SUGCT: variants seen among roughly 807,000 people sequenced by gnomAD.
The protein encoded by SUGCT is succinyl-CoA:glutarate-CoA transferase.
Under a neutral mutation model 55.0 loss-of-function variants are expected in SUGCT, and 41 were observed. That is an observed-to-expected ratio of 0.74 (90% confidence interval 0.58 to 0.97). The LOEUF is 0.97. Ranked by LOEUF, SUGCT falls within the 50% of genes least tolerant of loss-of-function variation. SUGCT has a pLI of 0.00. For missense variants in SUGCT, 568 were observed against 547.8 expected, an observed-to-expected ratio of 1.04 and a Z score of -0.37; for synonymous variants, 187 against 200.4, an observed-to-expected ratio of 0.93 and a Z score of 0.56.
intron 7 of SUGCT, among the ~76,000 whole-genome samples, chr7:40,252,192 TG>T (rs1385423015): frequency 3.9e-5 from 6 of 152,296 alleles, no homozygotes; most frequent in Non-Finnish European, 7.4e-5. Flanking sequence ...TGGAGTACAG[TG>T]GCACAGTCAC....
At chr7:40,832,095 G>C (rs574658526) in intron 13 of SUGCT, among the ~76,000 whole-genome samples, 2 of 152,114 alleles carry the variant, frequency 1.3e-5, no homozygotes, top group Admixed American at 1.3e-4. Flanking sequence ...CATTCACAAG[G>C]GGCCGTGCAT....
chr7:40,821,744 GT>G (rs1427391101), intron 13 of SUGCT, among the ~76,000 whole-genome samples: 2 of 151,982 alleles, frequency 1.3e-5, no homozygotes, highest in South Asian at 4.2e-4. Context: ...TTTTTGAAGG[GT>G]TTTTTGTGTC....
At chr7:41,016,472 T>C in the SUGCT span, among the ~76,000 whole-genome samples, 27 of 152,316 alleles carry the variant, frequency 1.8e-4, no homozygotes, top group African/African-American at 5.8e-4. Context: ...TTCATACTTT[T>C]TTCTCTTATT....
chr7:40,634,848 T>G (rs1799950948), intron 12 of SUGCT, among the ~76,000 whole-genome samples: 1 of 152,178 alleles, frequency 6.6e-6, no homozygotes, highest in Non-Finnish European at 1.5e-5. Flanking sequence ...AAAGCAAATT[T>G]TTTGAAATTA....
At chr7:40,145,938 C>T (rs1444251430) in intron 1 of SUGCT, among the ~76,000 whole-genome samples, 1 of 152,224 alleles carries the variant, frequency 6.6e-6, no homozygotes, top group Admixed American at 6.5e-5. Flanking sequence ...GAAGGGAGTT[C>T]CTCCAAGGTC....
intron 12 of SUGCT, among the ~76,000 whole-genome samples, chr7:40,505,198 T>G (rs1182274813): frequency 6.6e-6 from 1 of 152,190 alleles, no homozygotes; most frequent in Non-Finnish European, 1.5e-5. Flanking sequence ...TCATGGTGGT[T>G]GATTATATTA....
At chr7:40,216,991 C>T (rs1787700463) in intron 6 of SUGCT, among the ~76,000 whole-genome samples, 2 of 152,026 alleles carry the variant, frequency 1.3e-5, no homozygotes, top group Non-Finnish European at 2.9e-5. Context: ...TTACTCTGTT[C>T]ATTTGGATGC....
chr7:40,409,182 T>C (rs944504042), intron 9 of SUGCT, among the ~76,000 whole-genome samples: 1 of 152,116 alleles, frequency 6.6e-6, no homozygotes, highest in Non-Finnish European at 1.5e-5. Flanking sequence ...CTCAAACTTA[T>C]GAACTCAAGC....
the SUGCT span, among the ~76,000 whole-genome samples, chr7:40,916,272 AT>A: frequency 6.6e-6 from 1 of 152,054 alleles, no homozygotes; most frequent in Non-Finnish European, 1.5e-5. Flanking sequence ...CAGTCTAGGT[AT>A]GGGTCCACTT....
chr7:41,038,712 C>G, the SUGCT span, among the ~76,000 whole-genome samples: 2 of 152,160 alleles, frequency 1.3e-5, no homozygotes, highest in Non-Finnish European at 2.9e-5. Flanking sequence ...AAGGCCAAAT[C>G]TCTGCCTCCC....
At chr7:40,663,271 T>G (rs1375559905) in intron 12 of SUGCT, among the ~76,000 whole-genome samples, 1 of 151,352 alleles carries the variant, frequency 6.6e-6, no homozygotes, top group African/African-American at 2.4e-5. Flanking sequence ...TTTTTCTTGC[T>G]TACTAATGTA....
At chr7:40,904,973 C>T in the SUGCT span, among the ~76,000 whole-genome samples, 4,253 of 152,148 alleles carry the variant, frequency 0.028, 188 homozygotes, top group African/African-American at 0.097. Flanking sequence ...TGGCGGATGG[C>T]ATTTTTAGTG....
At chr7:40,680,655 T>C (rs1434616636) in intron 12 of SUGCT, among the ~76,000 whole-genome samples, 2 of 152,206 alleles carry the variant, frequency 1.3e-5, no homozygotes, top group Non-Finnish European at 2.9e-5. Context: ...ATATTTTACA[T>C]TGGTACAATC....
rs1177392822 is a variant in SUGCT, at chr7:40,180,951, G to A, written c.105G>A (p.Met35Ile). The A allele has an allele frequency of 7.5e-6, 12 of 1,606,920 alleles. No individual in the cohort carries two copies. The highest frequency in any genetic ancestry group is 1.0e-5 in the Non-Finnish European group (12 of 1,174,172). ...ATGTTTTCTCTGTTTTGCCAGATAT[G>A]AACAATATAAAGCCATTGGAAGGGG... ...GLWTGRPQSD[M>I]NNIKPLEGVK... is the part of the protein sequence containing the mutation. Residue 35 changes from methionine to isoleucine, a missense_variant, in exon 2 of 14, where the codon ATG becomes ATA. Physicochemically the swap from Met to Ile is conservative, Grantham distance 10. Transcript: ENST00000335693.
the SUGCT span, among the ~76,000 whole-genome samples, chr7:40,882,293 G>C: frequency 6.6e-6 from 1 of 152,344 alleles, no homozygotes; most frequent in Admixed American, 6.5e-5. Context: ...TTCAGAAGCA[G>C]TCAAAATGAC....
the SUGCT span, among the ~76,000 whole-genome samples, chr7:40,901,614 C>G: frequency 1.3e-5 from 2 of 152,122 alleles, no homozygotes; most frequent in African/African-American, 2.4e-5. Context: ...GATCACAGAG[C>G]ACTGTTCAGG....
At chr7:40,630,049 G>T (rs1799717055) in intron 12 of SUGCT, among the ~76,000 whole-genome samples, 1 of 152,178 alleles carries the variant, frequency 6.6e-6, no homozygotes, top group East Asian at 1.9e-4. Flanking sequence ...CTTGCTTCAT[G>T]ATTTTAAATT....
chr7:40,437,416 G>A (rs1395451634), intron 9 of SUGCT, among the ~76,000 whole-genome samples: 1 of 152,120 alleles, frequency 6.6e-6, no homozygotes, highest in Non-Finnish European at 1.5e-5. Flanking sequence ...GGTTACTCTA[G>A]AATTACCTAA....
At chr7:40,748,606 TA>T (rs1787857593) in intron 12 of SUGCT, among the ~76,000 whole-genome samples, 1 of 151,760 alleles carries the variant, frequency 6.6e-6, no homozygotes, top group South Asian at 2.1e-4. Context: ...TAAGAATTTA[TA>T]AAAATATACT....
Sources: allele counts gnomAD v4.1 joint callset (sites outside exome capture counted in the v4.1 genomes callset), GRCh38; gene constraint gnomAD v4.1.1; transcripts MANE v1.5; gene names NCBI Gene and HGNC (gene_info 2026-07-23, HGNC 2026-07-21).